The following AKT3 variants were observed in gnomAD, a reference collection of about 807,000 sequenced individuals.
AKT3 encodes RAC-gamma serine/threonine-protein kinase.
AKT3 carries 15 observed loss-of-function variants against 65.3 expected under a neutral mutation model. That is an observed-to-expected ratio of 0.23 (90% CI 0.15 to 0.35). AKT3 has a LOEUF of 0.35. Ranked by LOEUF, AKT3 falls within the 10% of genes least tolerant of loss-of-function variation. AKT3 has a pLI of 1.00. For missense variants in AKT3, 243 were observed against 576.5 expected, an observed-to-expected ratio of 0.42 and a Z score of 5.92; for synonymous variants, 206 against 183.8, an observed-to-expected ratio of 1.12 and a Z score of -0.98.
At chr1:243,681,690 C>T (rs2147976972) in intron 3 of AKT3, among the ~76,000 whole-genome samples, 1 of 152,268 alleles carries the variant, frequency 6.6e-6, no homozygotes, top group South Asian at 2.1e-4. Flanking sequence ...GCTGTCATCT[C>T]TGAACACCAT....
chr1:243,492,292 T>C (rs1666644358), intron 13 of AKT3, among the ~76,000 whole-genome samples: 1 of 117,174 alleles, frequency 8.5e-6, no homozygotes, highest in East Asian at 2.6e-4. Flanking sequence ...GCTCGTTTCT[T>C]GGCTTTTTTT....
At chr1:243,614,082 A>G (rs1678103580) in intron 7 of AKT3, among the ~76,000 whole-genome samples, 1 of 152,182 alleles carries the variant, frequency 6.6e-6, no homozygotes, top group African/African-American at 2.4e-5. Flanking sequence ...GTGGCCAACA[A>G]ATTACACTAG....
At chr1:243,742,780 A>C (rs963170962) in intron 2 of AKT3, among the ~76,000 whole-genome samples, 1 of 151,510 alleles carries the variant, frequency 6.6e-6, no homozygotes, top group South Asian at 2.1e-4. Flanking sequence ...TCCAAACCCT[A>C]GTCTTTTTTA....
chr1:243,525,971 C>T (rs1417470482), intron 12 of AKT3, among the ~76,000 whole-genome samples: 1 of 150,402 alleles, frequency 6.6e-6, no homozygotes, highest in Non-Finnish European at 1.5e-5. Context: ...AATAGAAAAC[C>T]TCACCTAAAC....
intron 2 of AKT3, among the ~76,000 whole-genome samples, chr1:243,755,207 T>G (rs1267699485): frequency 6.6e-6 from 1 of 151,348 alleles, no homozygotes; most frequent in Non-Finnish European, 1.5e-5. Context: ...CAGTGGGGAT[T>G]ACAGGCGGGC....
chr1:243,665,452 G>A (rs1188747327), intron 3 of AKT3, among the ~76,000 whole-genome samples: 1 of 152,028 alleles, frequency 6.6e-6, no homozygotes, highest in Non-Finnish European at 1.5e-5. Context: ...AATATAAACT[G>A]CCTGTAACTC....
At chr1:243,734,983 T>C (rs534629994) in intron 2 of AKT3, 1 of 152,348 alleles carries the variant, frequency 6.6e-6, no homozygotes, top group African/African-American at 2.4e-5. Context: ...TCAATATCAT[T>C]GTCCTCCTCC....
chr1:243,660,231 T>G (rs529613031), intron 4 of AKT3, among the ~76,000 whole-genome samples: 7 of 152,096 alleles, frequency 4.6e-5, no homozygotes, highest in Non-Finnish European at 7.4e-5. Context: ...GTCGAGGAAT[T>G]TATCCATTTC....
At chr1:243,649,325 GTGTGT>G (rs1558683175) in intron 4 of AKT3, among the ~76,000 whole-genome samples, 4 of 142,366 alleles carry the variant, frequency 2.8e-5, no homozygotes, top group Non-Finnish European at 6.1e-5. Flanking sequence ...GTGTGTGTGT[GTGTGT>G]GTGTGTGTGT....
At chr1:243,788,994 ATCCTTTTGTTG>A (rs1340115631) in intron 2 of AKT3, among the ~76,000 whole-genome samples, 1 of 152,208 alleles carries the variant, frequency 6.6e-6, no homozygotes, top group Admixed American at 6.5e-5. Flanking sequence ...AATATTCTAA[ATCCTTTTGTTG>A]TCATTTCAAC....
At chr1:243,588,934 A>G (rs1676001622) in intron 8 of AKT3, among the ~76,000 whole-genome samples, 1 of 152,210 alleles carries the variant, frequency 6.6e-6, no homozygotes, top group African/African-American at 2.4e-5. Context: ...AAAGAAAACA[A>G]TCAACAGAGT....
intron 8 of AKT3, among the ~76,000 whole-genome samples, chr1:243,581,109 G>A (rs1285503391): frequency 6.6e-6 from 1 of 152,172 alleles, no homozygotes; most frequent in Non-Finnish European, 1.5e-5. Context: ...AGGTTTCCCA[G>A]CTACACTACT....
chr1:243,621,090 T>A (rs12034588), intron 6 of AKT3, among the ~76,000 whole-genome samples: 25,122 of 152,112 alleles, frequency 0.17, 2,216 homozygotes, highest in East Asian at 0.24. Context: ...TTGTTTCAAA[T>A]CTTTCCCAGG....
chr1:243,763,075 TAA>T (rs1689594014), intron 2 of AKT3, among the ~76,000 whole-genome samples: 1 of 152,152 alleles, frequency 6.6e-6, no homozygotes, highest in African/African-American at 2.4e-5. Context: ...AAAAACAATA[TAA>T]AGTTTATTTT....
intron 5 of AKT3, among the ~76,000 whole-genome samples, chr1:243,638,495 C>T (rs1462848797): frequency 6.6e-6 from 1 of 152,184 alleles, no homozygotes; most frequent in Non-Finnish European, 1.5e-5. Flanking sequence ...CTTCCAGAAA[C>T]TTCCAAACTT....
chr1:243,509,436 T>C (rs539754530), intron 13 of AKT3, among the ~76,000 whole-genome samples: 156 of 152,238 alleles, frequency 1.0e-3, no homozygotes, highest in Non-Finnish European at 1.9e-3. Flanking sequence ...TTCGAAGAGA[T>C]TCTGGTCCTT....
At chr1:243,591,641 C>T (rs1005425533) in intron 8 of AKT3, among the ~76,000 whole-genome samples, 1 of 150,568 alleles carries the variant, frequency 6.6e-6, no homozygotes, top group African/African-American at 2.4e-5. Context: ...AATAAATTAG[C>T]CGTTGAAAAT....
At chr1:243,579,962 T>C (rs1309784781) in intron 8 of AKT3, among the ~76,000 whole-genome samples, 1 of 151,924 alleles carries the variant, frequency 6.6e-6, no homozygotes, top group East Asian at 1.9e-4. Context: ...AACTAGAAAA[T>C]ATGTGTAAGT....
intron 5 of AKT3, among the ~76,000 whole-genome samples, chr1:243,639,315 G>T (rs1172415086): frequency 6.6e-6 from 1 of 152,098 alleles, no homozygotes; most frequent in Non-Finnish European, 1.5e-5. Context: ...AACAAGAAAT[G>T]ACACCAATTT....
Sources: gnomAD v4.1 joint callset for allele counts (sites outside exome capture counted in the v4.1 genomes callset) on GRCh38, gnomAD v4.1.1 for gene constraint, MANE v1.5 for transcripts, NCBI Gene and HGNC (gene_info 2026-07-23, HGNC 2026-07-21) for gene names.